Variants in PDE12 observed in about 807,000 individuals in gnomAD.
The protein encoded by PDE12 is phosphodiesterase 12.
PDE12 carries 26 observed loss-of-function variants against 45.4 expected under a neutral mutation model. That is an observed-to-expected ratio of 0.57 (90% CI 0.42 to 0.79). The LOEUF (loss-of-function observed/expected upper bound fraction) is 0.79. Ranked by LOEUF, PDE12 falls within the 30% of genes least tolerant of loss-of-function variation. The pLI, the probability that PDE12 is intolerant of heterozygous loss-of-function variation, is 0.00. For missense variants in PDE12, 668 were observed against 790.0 expected, an observed-to-expected ratio of 0.85 and a Z score of 1.85; for synonymous variants, 283 against 323.9, an observed-to-expected ratio of 0.87 and a Z score of 1.36.
the PDE12 span, among the ~76,000 whole-genome samples, chr3:57,582,966 G>C: frequency 1.4e-4 from 22 of 152,314 alleles, no homozygotes; most frequent in South Asian, 4.6e-3. Context: ...TATTTTGCAG[G>C]TGTGGAGAGA....
chr3:57,601,323 T>C, the PDE12 span, among the ~76,000 whole-genome samples: 1 of 152,084 alleles, frequency 6.6e-6, no homozygotes, highest in Non-Finnish European at 1.5e-5. Flanking sequence ...TTGGCCAGGC[T>C]GGTCTCGAAC....
At chr3:57,613,076 G>A in the PDE12 span, among the ~76,000 whole-genome samples, 3 of 151,800 alleles carry the variant, frequency 2.0e-5, no homozygotes, top group Admixed American at 6.6e-5. Context: ...CACCTCCCGG[G>A]TTCAAGCGAT....
the PDE12 span, among the ~76,000 whole-genome samples, chr3:57,655,285 G>A: frequency 4.6e-5 from 7 of 152,200 alleles, no homozygotes; most frequent in South Asian, 2.1e-4. Context: ...CGCCCGCCTC[G>A]GCCTCCCAAA....
chr3:57,641,821 ACTTT>A, the PDE12 span: 1 of 1,306,532 alleles, frequency 7.7e-7, no homozygotes. Context: ...AGAATAGTTT[ACTTT>A]TTTTTTCAAT....
chr3:57,611,557 A>T, the PDE12 span, among the ~76,000 whole-genome samples: 1 of 152,214 alleles, frequency 6.6e-6, no homozygotes, highest in Non-Finnish European at 1.5e-5. Flanking sequence ...AAACAACCCC[A>T]TCAAAAAGTG....
At chr3:57,655,389 T>C in the PDE12 span, among the ~76,000 whole-genome samples, 1 of 152,198 alleles carries the variant, frequency 6.6e-6, no homozygotes, top group African/African-American at 2.4e-5. Context: ...AACAATATTA[T>C]GTAATTCATA....
the PDE12 span, among the ~76,000 whole-genome samples, chr3:57,580,825 CT>C: frequency 1.4e-5 from 2 of 148,072 alleles, no homozygotes; most frequent in South Asian, 4.3e-4. Context: ...GTTCCCCAGG[CT>C]GGCCTCAAAC....
the PDE12 span, among the ~76,000 whole-genome samples, chr3:57,632,942 TGTA>T: frequency 6.6e-6 from 1 of 152,178 alleles, no homozygotes; most frequent in African/African-American, 2.4e-5. Context: ...AGGTGAAAAA[TGTA>T]GTAACTACAT....
At chr3:57,557,722 C>A (rs1304134612) in intron 1 of PDE12, 35 bp downstream of exon 1, 2 of 1,574,478 alleles carry the variant, frequency 1.3e-6, no homozygotes, top group South Asian at 1.1e-5. Context: ...CACATACTGT[C>A]CCACTTTTAG....
chr3:57,600,934 C>T, the PDE12 span: 1 of 151,950 alleles, frequency 6.6e-6, no homozygotes, highest in Non-Finnish European at 1.5e-5. Flanking sequence ...GAGAATCTTT[C>T]TTATTTTTAA....
At chr3:57,592,900 T>C in the PDE12 span, among the ~76,000 whole-genome samples, 1 of 152,134 alleles carries the variant, frequency 6.6e-6, no homozygotes, top group Non-Finnish European at 1.5e-5. Flanking sequence ...GAACAAAAAC[T>C]TCCTCTTAAA....
At chr3:57,641,720 G>A in the PDE12 span, 1 of 1,613,190 alleles carries the variant, frequency 6.2e-7, no homozygotes, top group Non-Finnish European at 8.5e-7. Flanking sequence ...CAAAAAAAGG[G>A]TTGGTTACTC....
At chr3:57,653,138 A>G in the PDE12 span, among the ~76,000 whole-genome samples, 1 of 152,212 alleles carries the variant, frequency 6.6e-6, no homozygotes, top group Non-Finnish European at 1.5e-5. Context: ...AGTCTTCTGT[A>G]TTGTACTTAC....
chr3:57,644,688 AGGGAGGGGAG>A, the PDE12 span, among the ~76,000 whole-genome samples: 30 of 84,792 alleles, frequency 3.5e-4, no homozygotes, highest in African/African-American at 1.3e-3. Context: ...GCAACAGGGA[AGGGAGGGGAG>A]GGGAGGGGAG....
the PDE12 span, among the ~76,000 whole-genome samples, chr3:57,633,011 T>TTTC: frequency 1.3e-5 from 2 of 152,148 alleles, no homozygotes; most frequent in Non-Finnish European, 2.9e-5. Context: ...AAAAGGTACT[T>TTTC]AGGAAAGTGG....
rs761336769 is a variant in PDE12, at chr3:57,556,395, G to A, written c.16G>A (p.Gly6Ser). The A allele has an allele frequency of 2.5e-6, 4 of 1,588,176 alleles. No individual in the cohort carries two copies. In the South Asian group the frequency reaches 3.4e-5, roughly 13 times the overall value. MWRLPGARAALRVIRT... is the reference protein window; with the variant it reads MWRLPSARAALRVIRT... Reference sequence around the variant, plus strand: ...CACCAGGTTCATGTGGAGGCTCCCAGGCGCCCGCGCCGCGCTTCGGGTGAT... The same window carrying A: ...CACCAGGTTCATGTGGAGGCTCCCAAGCGCCCGCGCCGCGCTTCGGGTGAT... The change falls in exon 1 of 3, where the codon GGC becomes AGC. Residue 6 changes from glycine (G) to serine (S), a missense_variant. Physicochemically the swap from Gly to Ser is moderately conservative, Grantham distance 56 (BLOSUM62 0). Around this residue, in one of 3 missense-constraint regions of PDE12, gnomAD observed 580 missense variants for 662.9 expected, o/e 0.87. Coordinates refer to ENST00000311180, the MANE Select transcript of PDE12 (RefSeq NM_177966.7). This position sits in a 1 kb window ranked among gnomAD's most constrained non-coding sequence, Gnocchi z 5.0.
chr3:57,648,557 A>C, the PDE12 span, among the ~76,000 whole-genome samples: 1 of 152,246 alleles, frequency 6.6e-6, no homozygotes, highest in Non-Finnish European at 1.5e-5. Context: ...CTGCATAGCT[A>C]AAGTAAGACT....
the PDE12 span, among the ~76,000 whole-genome samples, chr3:57,588,784 C>G: frequency 1.4e-5 from 2 of 146,308 alleles, no homozygotes; most frequent in African/African-American, 5.1e-5. Context: ...TGGCAAAACC[C>G]TGTCACTACA....
At chr3:57,569,925 A>C (rs770233127), downstream of PDE12, among the ~76,000 whole-genome samples, 2 of 151,822 alleles carry the variant, frequency 1.3e-5, no homozygotes, top group Non-Finnish European at 2.9e-5. Flanking sequence ...GTCCCTTTAC[A>C]GTCCATGTAA....
Sources: gnomAD v4.1 joint callset for allele counts (sites outside exome capture counted in the v4.1 genomes callset) on GRCh38, gnomAD v4.1.1 for gene constraint, gnomAD v4.1.1 regional missense constraint, Gnocchi (gnomAD v3.1) non-coding constraint, MANE v1.5 for transcripts, NCBI Gene and HGNC (gene_info 2026-07-23, HGNC 2026-07-21) for gene names.